The following LIMCH1 variants were observed in gnomAD, a reference collection of about 807,000 sequenced individuals.
LIMCH1 encodes LIM and calponin homology domains-containing protein 1.
LIMCH1 carries 113 observed loss-of-function variants against 176.5 expected under a neutral mutation model. The observed-to-expected ratio is 0.64, with a 90% CI of 0.55 to 0.75. LIMCH1 has a LOEUF of 0.75. Among genes scored for constraint, LIMCH1 ranks in the 30% least tolerant of loss-of-function variants. The pLI, the probability that LIMCH1 is intolerant of heterozygous loss-of-function variation, is 0.00. For missense variants in LIMCH1, 1,674 were observed against 1,814.9 expected, an observed-to-expected ratio of 0.92 and a Z score of 1.41; for synonymous variants, 619 against 645.9, an observed-to-expected ratio of 0.96 and a Z score of 0.63.
At chr4:41,620,365 G>A (rs554336214) in intron 6 of LIMCH1, 59 bp from the exon 7 acceptor site, 3 of 1,449,556 alleles carry the variant, frequency 2.1e-6, no homozygotes, top group Non-Finnish European at 2.8e-6. Flanking sequence ...GAGATGACAT[G>A]GGGTCTGCTC....
chr4:41,463,941 C>G (rs905432173), intron 1 of LIMCH1, among the ~76,000 whole-genome samples: 1 of 152,094 alleles, frequency 6.6e-6, no homozygotes, highest in African/African-American at 2.4e-5. Flanking sequence ...TGATCTCAAA[C>G]TCCAGGGCTC....
intron 1 of LIMCH1, among the ~76,000 whole-genome samples, chr4:41,591,598 A>G (rs1437998439): frequency 3.3e-5 from 5 of 152,180 alleles, no homozygotes; most frequent in Non-Finnish European, 7.4e-5. Context: ...AAAAATGAGA[A>G]CTTCAAAAGT....
chr4:41,615,451 A>C (rs1300446391), intron 5 of LIMCH1, among the ~76,000 whole-genome samples: 33 of 152,140 alleles, frequency 2.2e-4, no homozygotes, highest in Admixed American at 2.2e-3. Context: ...TTCTCCATCC[A>C]AAAAAACATG....
At chr4:41,454,956 GTGTGTGTGTGTGTGTGTGTGTGTT>G (rs934729232) in intron 1 of LIMCH1, among the ~76,000 whole-genome samples, 1 of 146,260 alleles carries the variant, frequency 6.8e-6, no homozygotes, top group African/African-American at 2.8e-5. Context: ...GTGTGTGTGT[GTGTGTGTGTGTGTGTGTGTGTGTT>G]TGTGTGGTCA....
chr4:41,395,229 ATTTTTTTT>A (rs757933680), intron 1 of LIMCH1, among the ~76,000 whole-genome samples: 5 of 130,908 alleles, frequency 3.8e-5, no homozygotes, highest in Non-Finnish European at 8.0e-5. Context: ...GTAGAAGTTA[ATTTTTTTT>A]TTTTTTTTTT....
intron 3 of LIMCH1, among the ~76,000 whole-genome samples, chr4:41,526,314 C>G (rs2076652579): frequency 6.6e-6 from 1 of 151,030 alleles, no homozygotes; most frequent in Admixed American, 6.6e-5. Context: ...TTACCGTCAC[C>G]CTGTATCATT....
intron 1 of LIMCH1, among the ~76,000 whole-genome samples, chr4:41,456,117 G>A (rs1414030993): frequency 1.3e-5 from 2 of 152,108 alleles, no homozygotes; most frequent in Admixed American, 1.3e-4. Flanking sequence ...GATGGCAATA[G>A]TGAGTTTGTC....
chr4:41,468,809 T>C lies in LIMCH1; in HGVS notation c.97-25727T>C, dbSNP rs557807279. On this transcript the variant is annotated intron_variant, in intron 1 of 26. Coordinates refer to the LIMCH1 transcript ENST00000313860. ...CCTAGTGTCTCTTTCCCAGTGTAGC[T>C]GGTGGGTGGCAGCTCGGATTTCTAA... Among the ~76,000 whole-genome samples the C allele has an allele frequency of 2.6e-5, 4 of 152,218 alleles. No individual in the cohort carries two copies. The East Asian group carries it at 7.8e-4, about 30-fold the overall frequency.
intron 3 of LIMCH1, among the ~76,000 whole-genome samples, chr4:41,531,505 C>CACACACACACACACACACAA (rs2077297081): frequency 6.9e-6 from 1 of 144,472 alleles, no homozygotes; most frequent in African/African-American, 2.7e-5. Flanking sequence ...CACACACACA[C>CACACACACACACACACACAA]ACACACACAC....
intron 20 of LIMCH1, 130 bp downstream of exon 20, chr4:41,663,114 A>C (rs2094686591): frequency 1.2e-6 from 1 of 832,460 alleles, no homozygotes; most frequent in South Asian, 1.8e-5. Flanking sequence ...TCCTATCTTT[A>C]ATCTGTAGTT....
chr4:41,428,319 A>T (rs964432220), intron 1 of LIMCH1, among the ~76,000 whole-genome samples: 3 of 152,226 alleles, frequency 2.0e-5, no homozygotes, highest in Non-Finnish European at 4.4e-5. Flanking sequence ...TAATAATAGT[A>T]GTACCTCCTC....
chr4:41,411,669 A>T (rs1312313607), intron 1 of LIMCH1, among the ~76,000 whole-genome samples: 1 of 122,348 alleles, frequency 8.2e-6, no homozygotes, highest in Non-Finnish European at 1.9e-5. Context: ...TAGGGAAAAA[A>T]AAAAGGATAG....
intron 2 of LIMCH1, among the ~76,000 whole-genome samples, chr4:41,523,770 A>G (rs1457265323): frequency 6.6e-6 from 1 of 152,190 alleles, no homozygotes; most frequent in Non-Finnish European, 1.5e-5. Flanking sequence ...AACCATTGTT[A>G]TATAATTTCA....
Position 41,682,501 on chromosome 4 carries a change from T to G in LIMCH1, c.3845+41T>G. ...AAGCCACCATGAAAATGTACAAAGCTGGGCTCTGCTCGTGCACGCTCAGGA... is the reference window on the plus strand; with the variant it reads ...AAGCCACCATGAAAATGTACAAAGCGGGGCTCTGCTCGTGCACGCTCAGGA... On this transcript the variant is annotated intron_variant, in intron 26 of 31. Transcript: ENST00000503057. 1.9e-6 allele frequency: 3 copies of G among 1,597,426 alleles called. No individual in the cohort carries two copies. The South Asian group carries it at 3.4e-5, about 18-fold the overall frequency.
At chr4:41,421,548 T>G (rs2154131193) in intron 1 of LIMCH1, among the ~76,000 whole-genome samples, 1 of 152,336 alleles carries the variant, frequency 6.6e-6, no homozygotes, top group South Asian at 2.1e-4. Flanking sequence ...CTGTTATCTC[T>G]CCTTTACATA....
intron 1 of LIMCH1, among the ~76,000 whole-genome samples, chr4:41,566,254 A>T (rs1306150527): frequency 6.6e-6 from 1 of 152,200 alleles, no homozygotes; most frequent in African/African-American, 2.4e-5. Context: ...CAAGAATCAC[A>T]AATGGTCTTA....
chr4:41,580,720 G>A (rs951082010), intron 1 of LIMCH1, among the ~76,000 whole-genome samples: 14 of 152,188 alleles, frequency 9.2e-5, no homozygotes, highest in South Asian at 2.1e-4. Context: ...AAATAAATCC[G>A]AAAGCTGTTT....
chr4:41,564,292 A>G lies in LIMCH1; in HGVS notation c.-241+25942A>G, dbSNP rs1325137294. Among the ~76,000 whole-genome samples the G allele has an allele frequency of 4.6e-5, 7 of 152,272 alleles. No homozygotes were observed. In the South Asian group the frequency reaches 6.2e-4, roughly 14 times the overall value. On this transcript the variant is annotated intron_variant, in intron 1 of 31. Coordinates refer to ENST00000503057, the MANE Select transcript of LIMCH1 (RefSeq NM_001330672.2). Reference sequence around the variant, plus strand: ...CTAAATCCAGAGGCTTCTCTCACCCATTTGCTCTGGCGGCAGAAGAGAATT... The same window carrying G: ...CTAAATCCAGAGGCTTCTCTCACCCGTTTGCTCTGGCGGCAGAAGAGAATT...
At position 41,491,466 on chromosome 4, in the gene LIMCH1, G is replaced by A. The variant is rs569191085; in HGVS notation, c.97-3070G>A. Reference sequence around the variant, plus strand: ...CCCCTCACTTCCTAGATGGGGTGGCGACCGGGCAGAGGCGCTCCTCACTTC... The same window carrying A: ...CCCCTCACTTCCTAGATGGGGTGGCAACCGGGCAGAGGCGCTCCTCACTTC... On this transcript the variant is annotated intron_variant, in intron 1 of 26. Transcript: ENST00000313860. Among the ~76,000 whole-genome samples the A allele has an allele frequency of 5.5e-4, 82 of 150,000 alleles. 1 individual carries two copies. The highest frequency in any genetic ancestry group is 2.6e-4 in the Admixed American group (4 of 15,104).
Sources: allele counts gnomAD v4.1 joint callset (sites outside exome capture counted in the v4.1 genomes callset), GRCh38; gene constraint gnomAD v4.1.1; transcripts MANE v1.5; gene names NCBI Gene and HGNC (gene_info 2026-07-23, HGNC 2026-07-21).